Variants in ANO2 observed in about 807,000 individuals in gnomAD.
ANO2 encodes the protein anoctamin-2.
ANO2 carries 101 observed loss-of-function variants against 124.2 expected under a neutral mutation model. The ratio of observed to expected loss-of-function variants is 0.81; its 90% CI spans 0.69 to 0.96. The LOEUF (loss-of-function observed/expected upper bound fraction) is 0.96, where lower values mean the gene tolerates loss of function less well. Among genes scored for constraint, ANO2 ranks in the 40% least tolerant of loss-of-function variants. ANO2 has a pLI of 0.00. For synonymous variants in ANO2, 486 were observed against 482.5 expected (o/e 1.01, Z -0.09); for missense variants, 1,293 against 1,274.5 (o/e 1.01, Z -0.22).
chr12:5,790,068 G>A (rs115129755), intron 10 of ANO2, among the ~76,000 whole-genome samples: 1 of 152,218 alleles, frequency 6.6e-6, no homozygotes, highest in African/African-American at 2.4e-5. Context: ...TCTAAGGCAA[G>A]ATCAGTCCCT....
chr12:5,748,204 T>C lies in ANO2; in HGVS notation c.1190+2632A>G, dbSNP rs933150011. Among the ~76,000 whole-genome samples the C allele has an allele frequency of 3.3e-5, 5 of 152,342 alleles. No individual in the cohort carries two copies. In the East Asian group the frequency reaches 9.6e-4, roughly 29 times the overall value. On this transcript the variant is annotated intron_variant, in intron 11 of 24. Transcript: ENST00000682330. The stretch of plus-strand genomic sequence containing the variant: ...CCACGTCCTTTCCAGCTGTAGTGGT[T>C]GCTGCCACGTGTATTACCATGTGGG...
At chr12:5,607,660 C>A (rs1944287187) in intron 19 of ANO2, among the ~76,000 whole-genome samples, 1 of 152,122 alleles carries the variant, frequency 6.6e-6, no homozygotes, top group African/African-American at 2.4e-5. Context: ...TCTCCATCCT[C>A]ATTAACACCT....
chr12:5,659,048 C>T (rs1423493964), intron 14 of ANO2, among the ~76,000 whole-genome samples: 2 of 152,170 alleles, frequency 1.3e-5, no homozygotes, highest in African/African-American at 4.8e-5. Context: ...AATCTCACAA[C>T]TGCCTTGTGT....
intron 14 of ANO2, among the ~76,000 whole-genome samples, chr12:5,714,761 G>T (rs1284064854): frequency 6.6e-6 from 1 of 152,162 alleles, no homozygotes; most frequent in East Asian, 1.9e-4. Flanking sequence ...AAGGTGCCCA[G>T]TTTGGATTCA....
At chr12:5,726,534 G>A (rs1203509209) in intron 14 of ANO2, among the ~76,000 whole-genome samples, 12 of 152,142 alleles carry the variant, frequency 7.9e-5, no homozygotes, top group Admixed American at 7.2e-4. Flanking sequence ...GCCTGGCTTC[G>A]ACTCTGGCTC....
At chr12:5,943,732 G>A (rs1942987001) in intron 1 of ANO2, among the ~76,000 whole-genome samples, 1 of 152,178 alleles carries the variant, frequency 6.6e-6, no homozygotes, top group Non-Finnish European at 1.5e-5. Flanking sequence ...ACCGTCCCTA[G>A]CAGCCAAATA....
At chr12:5,891,492 A>G (rs1377207176) in intron 3 of ANO2, among the ~76,000 whole-genome samples, 1 of 152,186 alleles carries the variant, frequency 6.6e-6, no homozygotes, top group South Asian at 2.1e-4. Flanking sequence ...GAAGGATGGC[A>G]AAGAGGGTCT....
intron 14 of ANO2, among the ~76,000 whole-genome samples, chr12:5,724,944 C>T (rs1950377280): frequency 6.6e-6 from 1 of 152,096 alleles, no homozygotes; most frequent in Non-Finnish European, 1.5e-5. Flanking sequence ...CCTACATTTG[C>T]CATTAGCCCC....
At chr12:5,640,738 G>C (rs1323120310) in intron 15 of ANO2, among the ~76,000 whole-genome samples, 1 of 152,178 alleles carries the variant, frequency 6.6e-6, no homozygotes, top group Admixed American at 6.5e-5. Flanking sequence ...ATGCTGGAGA[G>C]GATGCGGAGA....
chr12:5,932,863 G>A (rs1942480303), intron 1 of ANO2, among the ~76,000 whole-genome samples: 1 of 152,204 alleles, frequency 6.6e-6, no homozygotes, highest in African/African-American at 2.4e-5. Flanking sequence ...TGTCAGGGAG[G>A]CTCCCAGAGG....
At chr12:5,830,368 C>A in intron 6 of ANO2, 67 bp downstream of exon 6, 1 of 1,522,770 alleles carries the variant, frequency 6.6e-7, no homozygotes. Flanking sequence ...TAAGAGAATG[C>A]CCTGCCAACT....
chr12:5,889,577 T>A lies in ANO2; in HGVS notation c.534+31463A>T, dbSNP rs1022423208. Reference sequence around the variant, plus strand: ...AAAGGTGGGACTCTTAAACGACCCCTGTCTTACACGTGTCCCATCTCCTTC... The same window carrying A: ...AAAGGTGGGACTCTTAAACGACCCCAGTCTTACACGTGTCCCATCTCCTTC... On this transcript the variant is annotated intron_variant, in intron 3 of 24. Coordinates refer to ENST00000682330, the MANE Select transcript of ANO2 (RefSeq NM_001364791.2). Among the ~76,000 whole-genome samples, 4 of 152,276 alleles carry A rather than the reference T, an allele frequency of 2.6e-5. No homozygotes were observed. In the East Asian group the frequency reaches 7.7e-4, roughly 29 times the overall value.
Position 5,580,698 on chromosome 12 carries a change from T to A in ANO2, c.2234-2180A>T, listed in dbSNP as rs537682508. Among the ~76,000 whole-genome samples the A allele has an allele frequency of 6.6e-5, 10 of 152,272 alleles. No homozygotes were observed. The South Asian group carries it at 1.0e-3, about 16-fold the overall frequency. On this transcript the variant is annotated intron_variant, in intron 20 of 24. Transcript: ENST00000682330. ...TACAGAGGGATAAGAGCAACCACAA[T>A]AGAAGTTTCAGGAAAGGGAACAGGC...
intron 3 of ANO2, among the ~76,000 whole-genome samples, chr12:5,884,727 G>A (rs916746750): frequency 6.6e-6 from 1 of 152,220 alleles, no homozygotes; most frequent in Non-Finnish European, 1.5e-5. Flanking sequence ...AGGACAATAT[G>A]CTGGACCTGC....
intron 3 of ANO2, among the ~76,000 whole-genome samples, chr12:5,858,170 G>C (rs905538379): frequency 1.3e-5 from 2 of 152,168 alleles, no homozygotes; most frequent in African/African-American, 4.8e-5. Flanking sequence ...AGTTAGAAGA[G>C]AGGATTGTGA....
chr12:5,573,434 T>TG lies in ANO2; in HGVS notation c.2621+2399dup, dbSNP rs374120291. Among the ~76,000 whole-genome samples the TG allele has an allele frequency of 3.3e-3, 505 of 152,168 alleles. 2 individuals are homozygous for TG. The highest frequency in any genetic ancestry group is 0.012 in the African/African-American group (486 of 41,520). On this transcript the variant is annotated intron_variant, in intron 23 of 24. Coordinates refer to ENST00000682330, the MANE Select transcript of ANO2 (RefSeq NM_001364791.2). Reference sequence around the variant, plus strand: ...CACTGGTGCTGCCTCCCATTGGACATGGAGGTGGAGACCTGCGCTCTTAGA... The same window carrying TG: ...CACTGGTGCTGCCTCCCATTGGACATGGGAGGTGGAGACCTGCGCTCTTAGA...
chr12:5,741,311 T>C (rs1463584560), intron 12 of ANO2, among the ~76,000 whole-genome samples: 2 of 152,246 alleles, frequency 1.3e-5, no homozygotes, highest in Non-Finnish European at 2.9e-5. Flanking sequence ...GCATTTGTTT[T>C]ACTTGCAGCT....
intron 4 of ANO2, among the ~76,000 whole-genome samples, chr12:5,833,773 T>C (rs1304007073): frequency 6.6e-6 from 1 of 152,034 alleles, no homozygotes; most frequent in African/African-American, 2.4e-5. Flanking sequence ...TGCCTGATGA[T>C]CTGAAGTGGA....
intron 15 of ANO2, among the ~76,000 whole-genome samples, chr12:5,638,069 T>C (rs936120025): frequency 6.6e-6 from 1 of 152,080 alleles, no homozygotes; most frequent in African/African-American, 2.4e-5. Context: ...GTCTCATACA[T>C]AAGGAAACTG....
Sources: allele counts gnomAD v4.1 joint callset (sites outside exome capture counted in the v4.1 genomes callset), GRCh38; gene constraint gnomAD v4.1.1; transcripts MANE v1.5; gene names NCBI Gene and HGNC (gene_info 2026-07-23, HGNC 2026-07-21).